Variants in TLR2 observed in about 807,000 individuals in gnomAD.
TLR2 encodes the protein toll like receptor 2.
TLR2 carries 7 observed loss-of-function variants against 9.1 expected under a neutral mutation model. That is an observed-to-expected ratio of 0.77 (90% CI 0.44 to 1.44). The LOEUF (loss-of-function observed/expected upper bound fraction) is 1.44, where lower values mean the gene tolerates loss of function less well. Among genes scored for constraint, TLR2 ranks in the 40% most tolerant of loss-of-function variants. The pLI is 0.01. For synonymous variants in TLR2, 317 were observed against 344.6 expected, an observed-to-expected ratio of 0.92 and a Z score of 0.89; for missense variants, 812 against 904.6, an observed-to-expected ratio of 0.90 and a Z score of 1.31.
At position 153,706,168 on chromosome 4, in the gene TLR2, TGA is replaced by T. The variant is rs56929883; in HGVS notation, c.*912_*913del. ...ATAGGTTTCTCCAGCCATAGTTACT[TGA>T]GAGAGTGAGTACACAGTGCAAGGTA... On this transcript the variant is annotated 3_prime_UTR_variant, in exon 3 of 3. Transcript: ENST00000642700. Among the ~76,000 whole-genome samples, 412 of 152,364 alleles carry T rather than the reference TGA, an allele frequency of 2.7e-3. 4 individuals carry two copies. Among genetic ancestry groups the T allele is most frequent in the African/African-American group, 9.5e-3 (393 of 41,574 alleles).
chr4:153,707,177 A>G (rs1357626499), downstream of TLR2, among the ~76,000 whole-genome samples: 1 of 152,220 alleles, frequency 6.6e-6, no homozygotes, highest in Non-Finnish European at 1.5e-5. Flanking sequence ...CATTAACTGC[A>G]GAACAAGCTT....
Position 153,704,875 on chromosome 4 carries a change from G to C in TLR2, c.1968G>C (p.Glu656Asp), listed in dbSNP as rs760292005. 7.4e-6 allele frequency: 12 copies of C among 1,613,818 alleles called. 1 individual carries two copies. The South Asian group carries it at 1.3e-4, about 18-fold the overall frequency. The change falls in exon 3 of 3, where the codon GAG (glutamate) becomes GAC (aspartate). Residue 656 changes from glutamate (E) to aspartate (D), a missense_variant. Physicochemically the swap from Glu to Asp is conservative, Grantham distance 45 (BLOSUM62 2). Transcript: ENST00000642700. ...SYSERDAYWV[E>D]NLMVQELENF... Reference sequence around the variant, plus strand: ...GTGAGCGGGATGCCTACTGGGTGGAGAACCTTATGGTCCAGGAGCTGGAGA... The same window carrying C: ...GTGAGCGGGATGCCTACTGGGTGGACAACCTTATGGTCCAGGAGCTGGAGA...
intron 2 of TLR2, among the ~76,000 whole-genome samples, chr4:153,693,263 T>C (rs1736248244): frequency 6.6e-6 from 1 of 152,238 alleles, no homozygotes; most frequent in Non-Finnish European, 1.5e-5. Flanking sequence ...ATCATCTGAC[T>C]GGAGACAGCA....
Position 153,697,412 on chromosome 4 carries a change from G to C in TLR2, c.-16-5480G>C, listed in dbSNP as rs1489070602. ...TGTTGTCTTTATTAGATCTTTGACT[G>C]CCTCAGAGACCTGAGTTCACCTTAT... On this transcript the variant is annotated intron_variant, in intron 2 of 2. Transcript: ENST00000642700. Among the ~76,000 whole-genome samples the C allele has an allele frequency of 3.3e-5, 5 of 152,072 alleles. No individual in the cohort carries two copies. The East Asian group carries it at 9.6e-4, about 29-fold the overall frequency.
chr4:153,710,392 T>A (rs1164191179), downstream of TLR2: 1 of 1,560,920 alleles, frequency 6.4e-7, no homozygotes, highest in South Asian at 1.2e-5. Flanking sequence ...AGTGAATAGA[T>A]AATGCCTTGA....
intron 2 of TLR2, among the ~76,000 whole-genome samples, chr4:153,692,028 G>A (rs866352058): frequency 6.6e-6 from 1 of 152,142 alleles, no homozygotes; most frequent in African/African-American, 2.4e-5. Flanking sequence ...AGGTTCAATT[G>A]CTTGCCCTTC....
intron 1 of TLR2, among the ~76,000 whole-genome samples, chr4:153,685,435 TG>T (rs1490675758): frequency 6.6e-6 from 1 of 152,230 alleles, no homozygotes; most frequent in Non-Finnish European, 1.5e-5. Context: ...TTTAATCTTT[TG>T]ACTCTGTTAT....
Position 153,705,150 on chromosome 4 carries a change from G to A in TLR2, c.2243G>A (p.Arg748His), listed in dbSNP as rs370330063. ...EPIEKKAIPQ[R>H]FCKLRKIMNT... The stretch of plus-strand genomic sequence containing the variant: ...ATTGAGAAAAAAGCCATTCCCCAGC[G>A]CTTCTGCAAGCTGCGGAAGATAATG... The change falls in exon 3 of 3, where the codon CGC becomes CAC. Residue 748 changes from arginine (R) to histidine (H), a missense_variant. Physicochemically the swap from Arg to His is conservative, Grantham distance 29. Transcript: ENST00000642700. The A allele has an allele frequency of 9.9e-6, 16 of 1,613,956 alleles. No individual in the cohort carries two copies. The highest frequency in any genetic ancestry group is 5.3e-5 in the African/African-American group (4 of 74,870).
chr4:153,697,178 C>T (rs1278793878), intron 2 of TLR2, among the ~76,000 whole-genome samples: 3 of 151,756 alleles, frequency 2.0e-5, no homozygotes, highest in African/African-American at 4.8e-5. Flanking sequence ...GAAGAAAATT[C>T]TAAGTTTTTT....
chr4:153,704,444 A>G lies in TLR2; in HGVS notation c.1537A>G (p.Thr513Ala). The change falls in exon 3 of 3, where the codon ACG (threonine) becomes GCG (alanine). Residue 513 changes from threonine to alanine, a missense_variant. Transcript: ENST00000642700. Reference protein sequence around the residue: ...VLKISRNAITTFSKEQLDSFH... With the variant: ...VLKISRNAITAFSKEQLDSFH... ...GAAAATCAGTAGGAATGCAATAACT[A>G]CGTTTTCTAAGGAGCAACTTGACTC... The G allele has an allele frequency of 1.9e-6, 3 of 1,614,148 alleles. No homozygotes were observed. The highest frequency in any genetic ancestry group is 2.2e-5 in the South Asian group (2 of 91,078).
At chr4:153,692,712 A>G (rs1028161650) in intron 2 of TLR2, among the ~76,000 whole-genome samples, 1 of 152,208 alleles carries the variant, frequency 6.6e-6, no homozygotes, top group Non-Finnish European at 1.5e-5. Flanking sequence ...GTTGTAATAA[A>G]TCTCTTCCCT....
chr4:153,708,718 G>C (rs1417516589), downstream of TLR2, among the ~76,000 whole-genome samples: 5 of 152,144 alleles, frequency 3.3e-5, no homozygotes, highest in Non-Finnish European at 7.4e-5. Context: ...TGATTAGCAG[G>C]CTCCCAGGAA....
At chr4:153,684,805 A>G (rs1166381834) in intron 1 of TLR2, among the ~76,000 whole-genome samples, 2 of 150,520 alleles carry the variant, frequency 1.3e-5, no homozygotes, top group African/African-American at 5.0e-5. Flanking sequence ...CTCCCTCGGG[A>G]GGCCGAGGGG....
chr4:153,710,111 A>G (rs541960388), downstream of TLR2: 35 of 300,150 alleles, frequency 1.2e-4, no homozygotes, highest in East Asian at 1.9e-3. Context: ...TAGAATGTCC[A>G]CAGTGCAGTG....
chr4:153,691,923 T>C (rs1469185081), intron 2 of TLR2, among the ~76,000 whole-genome samples: 35 of 152,226 alleles, frequency 2.3e-4, no homozygotes, highest in Admixed American at 2.3e-3. Flanking sequence ...TTGCAAGTGA[T>C]CATAACATTG....
intron 2 of TLR2, among the ~76,000 whole-genome samples, chr4:153,700,519 T>A (rs751472816): frequency 3.3e-5 from 5 of 152,166 alleles, no homozygotes; most frequent in African/African-American, 4.8e-5. Flanking sequence ...GTTCTATAGA[T>A]TCAAAACATT....
intron 2 of TLR2, among the ~76,000 whole-genome samples, chr4:153,693,164 A>C (rs1736240297): frequency 6.6e-6 from 1 of 152,174 alleles, no homozygotes. Flanking sequence ...TCCCCTTTGT[A>C]ATCTGAATCA....
intron 2 of TLR2, among the ~76,000 whole-genome samples, chr4:153,693,934 G>A (rs1414880463): frequency 6.6e-6 from 1 of 152,158 alleles, no homozygotes; most frequent in Non-Finnish European, 1.5e-5. Context: ...AGACCAGCTC[G>A]GTCGTGGAGA....
chr4:153,685,831 C>A (rs1351531682), intron 1 of TLR2, among the ~76,000 whole-genome samples: 26 of 152,046 alleles, frequency 1.7e-4, no homozygotes, highest in Admixed American at 1.7e-3. Flanking sequence ...ACAAATGGGA[C>A]AAGAATAAAG....
Sources: allele counts gnomAD v4.1 joint callset (sites outside exome capture counted in the v4.1 genomes callset), GRCh38; gene constraint gnomAD v4.1.1; transcripts MANE v1.5; gene names NCBI Gene and HGNC (gene_info 2026-07-23, HGNC 2026-07-21).